The following TBC1D30 variants were observed in gnomAD, a reference collection of about 807,000 sequenced individuals.
TBC1D30 encodes the protein TBC1 domain family, member 30.
A neutral mutation model predicts 63.2 loss-of-function variants in TBC1D30; 31 were observed. The ratio of observed to expected loss-of-function variants is 0.49; its 90% confidence interval spans 0.37 to 0.66. The LOEUF (loss-of-function observed/expected upper bound fraction) is 0.66, where lower values mean the gene tolerates loss of function less well. TBC1D30 is among the 30% of genes least tolerant of loss of function. TBC1D30 has a pLI of 0.00. For synonymous variants in TBC1D30, 307 were observed against 361.5 expected (o/e 0.85, Z 1.71); for missense variants, 810 against 953.6 (o/e 0.85, Z 1.98).
chr12:64,815,055 G>A (rs1448336744), intron 2 of TBC1D30, among the ~76,000 whole-genome samples: 2 of 152,194 alleles, frequency 1.3e-5, no homozygotes, highest in Non-Finnish European at 2.9e-5. Flanking sequence ...TCCTTTTCAT[G>A]TAGATGCTGA....
At chr12:64,858,314 G>A (rs1363038020) in intron 8 of TBC1D30, among the ~76,000 whole-genome samples, 5 of 152,196 alleles carry the variant, frequency 3.3e-5, no homozygotes, top group African/African-American at 1.2e-4. Context: ...GATGATGGCT[G>A]TCTTTCTAGA....
chr12:64,873,949 C>T (rs1878850381), intron 11 of TBC1D30, among the ~76,000 whole-genome samples: 1 of 152,148 alleles, frequency 6.6e-6, no homozygotes, highest in Admixed American at 6.5e-5. Context: ...GAGGGAGAGG[C>T]CTTCTCCCTA....
At chr12:64,804,901 C>G (rs551026803) in intron 2 of TBC1D30, among the ~76,000 whole-genome samples, 1 of 152,042 alleles carries the variant, frequency 6.6e-6, no homozygotes, top group South Asian at 2.1e-4. Flanking sequence ...TAAGTAGAAC[C>G]GTTAAAGAGG....
intron 8 of TBC1D30, among the ~76,000 whole-genome samples, chr12:64,851,853 T>C (rs797004842): frequency 4.6e-5 from 7 of 152,364 alleles, no homozygotes; most frequent in African/African-American, 1.7e-4. Flanking sequence ...TGGCCTTCAC[T>C]CTTTTCTGGC....
chr12:64,848,210 T>G (rs2136417399), intron 8 of TBC1D30, among the ~76,000 whole-genome samples: 1 of 152,196 alleles, frequency 6.6e-6, no homozygotes, highest in Middle Eastern at 3.4e-3. Flanking sequence ...CTCCTGCTCC[T>G]TTTTTGCTTT....
chr12:64,804,177 G>T (rs189441499), intron 2 of TBC1D30, among the ~76,000 whole-genome samples: 2,232 of 152,270 alleles, frequency 0.015, 29 homozygotes, highest in Middle Eastern at 0.054. Context: ...TTGAGCAGTG[G>T]TTTATAGTTA....
chr12:64,832,046 CA>C (rs546224445), intron 4 of TBC1D30, 72 bp from the exon 5 acceptor site: 17,732 of 1,091,828 alleles, frequency 0.016, 4 homozygotes, highest in South Asian at 0.037. Flanking sequence ...TTTATTGAGT[CA>C]AAAAAAAAAG....
In TBC1D30 at chr12:64,880,874, C is replaced by T. The variant is rs1424844896; in HGVS notation, c.*5086C>T. ...ATAACAATTCTAGTTTTCCTTTAGG[C>T]AATGCTGATCACTGGGAAGGAGGTG... On this transcript the variant is annotated 3_prime_UTR_variant, in exon 12 of 12. Transcript: ENST00000539867. 6.6e-6 allele frequency: 1 copy of T among 152,194 alleles called. No homozygotes were observed. Among genetic ancestry groups the T allele is most frequent in the Non-Finnish European group, 1.5e-5 (1 of 68,034 alleles). The allele number at this position is 152,194 out of a possible 1,614,324, so 9.4% of individuals were successfully genotyped here. A position where few individuals can be genotyped will look rare whatever the true frequency, so the allele number is the denominator to read the frequency against.
chr12:64,770,870 A>ATT (rs59632344), intron 1 of TBC1D30, among the ~76,000 whole-genome samples: 3 of 138,196 alleles, frequency 2.2e-5, no homozygotes, highest in African/African-American at 2.7e-5. Flanking sequence ...CACCCAGCTA[A>ATT]TTTTTTTTTT....
At chr12:64,849,912 A>T (rs762403658) in intron 8 of TBC1D30, among the ~76,000 whole-genome samples, 1 of 152,200 alleles carries the variant, frequency 6.6e-6, no homozygotes, top group Non-Finnish European at 1.5e-5. Context: ...TGAGCATGGA[A>T]TGTTTTTCCA....
At chr12:64,857,895 A>G (rs1468131516) in intron 8 of TBC1D30, among the ~76,000 whole-genome samples, 1 of 151,976 alleles carries the variant, frequency 6.6e-6, no homozygotes, top group Non-Finnish European at 1.5e-5. Context: ...GTTCAATGTA[A>G]AGTCCTCTAG....
chr12:64,797,041 A>G (rs1463113325), intron 2 of TBC1D30, among the ~76,000 whole-genome samples: 1 of 151,364 alleles, frequency 6.6e-6, no homozygotes, highest in East Asian at 1.9e-4. Flanking sequence ...AAAAAAAAAA[A>G]AAAAAAAAAA....
At chr12:64,800,553 A>G (rs182834332) in intron 2 of TBC1D30, among the ~76,000 whole-genome samples, 1 of 152,234 alleles carries the variant, frequency 6.6e-6, no homozygotes, top group African/African-American at 2.4e-5. Flanking sequence ...AGAGTGTGAT[A>G]TGGGAAGAGG....
intron 8 of TBC1D30, among the ~76,000 whole-genome samples, chr12:64,845,570 C>CA (rs1425547178): frequency 2.0e-5 from 3 of 151,888 alleles, no homozygotes; most frequent in Non-Finnish European, 4.4e-5. Flanking sequence ...ATGTAAAATA[C>CA]AAAAAATTAG....
chr12:64,861,894 A>G (rs12828363), intron 8 of TBC1D30, among the ~76,000 whole-genome samples: 5,471 of 152,236 alleles, frequency 0.036, 134 homozygotes, highest in African/African-American at 0.053. Flanking sequence ...ACTTTTTTCC[A>G]TAAGTGATGG....
chr12:64,849,648 C>A (rs1592634619), intron 8 of TBC1D30, among the ~76,000 whole-genome samples: 1 of 152,084 alleles, frequency 6.6e-6, no homozygotes, highest in African/African-American at 2.4e-5. Context: ...GTTTTGGTAC[C>A]AATACCATGC....
intron 1 of TBC1D30, among the ~76,000 whole-genome samples, chr12:64,826,189 GAAGAA>G (rs1475805379): frequency 6.6e-6 from 1 of 152,148 alleles, no homozygotes; most frequent in East Asian, 1.9e-4. Context: ...TATTCTGTTA[GAAGAA>G]AAGAAAAGTG....
At chr12:64,787,128 G>A (rs1871639285) in intron 2 of TBC1D30, among the ~76,000 whole-genome samples, 1 of 152,082 alleles carries the variant, frequency 6.6e-6, no homozygotes, top group Non-Finnish European at 1.5e-5. Flanking sequence ...TCTGAAGATG[G>A]CAACATAGTT....
rs1265777040 is a variant in TBC1D30 at position 64,875,281 on chromosome 12, T to C, written c.1779T>C (p.Asp593=). The change falls in exon 12 of 12, where the codon GAT becomes GAC. Residue 593 remains aspartate (D), a synonymous_variant. Transcript: ENST00000539867. ...GTGGGGACACCGTAGGGCTGATAGATGAGCAGAACGAGGCCAGCAAGACCA... is the reference window on the plus strand; with the variant it reads ...GTGGGGACACCGTAGGGCTGATAGACGAGCAGAACGAGGCCAGCAAGACCA... ...PGCGDTVGLI[D]EQNEASKTNG... 10 of 1,536,226 alleles carry C rather than the reference T, an allele frequency of 6.5e-6. No individual in the cohort carries two copies. The highest frequency in any genetic ancestry group is 4.8e-5 in the South Asian group (4 of 84,052).
Sources: gnomAD v4.1 joint callset for allele counts (sites outside exome capture counted in the v4.1 genomes callset) on GRCh38, gnomAD v4.1.1 for gene constraint, MANE v1.5 for transcripts, NCBI Gene and HGNC (gene_info 2026-07-23, HGNC 2026-07-21) for gene names.